The following SPECC1 variants were observed in gnomAD, a reference collection of about 807,000 sequenced individuals.
The protein encoded by SPECC1 is cytospin-B.
Under a neutral mutation model 104.1 loss-of-function variants are expected in SPECC1, and 62 were observed. The observed-to-expected ratio is 0.60, with a 90% CI of 0.49 to 0.74. The LOEUF (loss-of-function observed/expected upper bound fraction) is 0.74, where lower values mean the gene tolerates loss of function less well. SPECC1 is among the 30% of genes least tolerant of loss of function. The pLI, the probability that SPECC1 is intolerant of heterozygous loss-of-function variation, is 0.00. For synonymous variants in SPECC1, 513 were observed against 501.6 expected, an observed-to-expected ratio of 1.02 and a Z score of -0.30; for missense variants, 1,306 against 1,310.5, an observed-to-expected ratio of 1.00 and a Z score of 0.05.
chr17:20,082,155 C>T (rs2047000247), intron 1 of SPECC1, among the ~76,000 whole-genome samples: 1 of 152,188 alleles, frequency 6.6e-6, no homozygotes, highest in Non-Finnish European at 1.5e-5. Flanking sequence ...TCCTTGCCTG[C>T]TTTTGGGGGT....
chr17:20,087,942 AAGG>A (rs2047240253), intron 1 of SPECC1, among the ~76,000 whole-genome samples: 1 of 152,166 alleles, frequency 6.6e-6, no homozygotes, highest in Non-Finnish European at 1.5e-5. Flanking sequence ...ACCTAGGAGA[AAGG>A]AGCCCACTGT....
intron 12 of SPECC1, among the ~76,000 whole-genome samples, chr17:20,292,346 G>A (rs7224558): frequency 2.0e-4 from 30 of 151,788 alleles, no homozygotes; most frequent in South Asian, 1.9e-3. Flanking sequence ...TTTTTTTTGG[G>A]GGGGGGACGG....
intron 4 of SPECC1, among the ~76,000 whole-genome samples, chr17:20,207,669 A>G (rs1402282640): frequency 1.3e-5 from 2 of 152,204 alleles, no homozygotes; most frequent in Non-Finnish European, 2.9e-5. Flanking sequence ...GAAAAGTATT[A>G]CCTTTAATTT....
At chr17:20,299,088 T>A (rs937904300) in intron 13 of SPECC1, among the ~76,000 whole-genome samples, 20 of 151,772 alleles carry the variant, frequency 1.3e-4, no homozygotes, top group Admixed American at 2.0e-4. Flanking sequence ...GCCAGCAGGC[T>A]GGAGACTCAG....
rs1161039139 is a variant in SPECC1, at chr17:20,136,782, C to T, written c.283+26220C>T. On this transcript the variant is annotated intron_variant, in intron 3 of 14. Coordinates refer to ENST00000395527, the MANE Select transcript of SPECC1 (RefSeq NM_001243439.2). ...CCTATCATTCCATAAAGAACCTCCT[C>T]GTTCTGGTCCCCATCTCTCTGGCAC... Among the ~76,000 whole-genome samples, 9 of 152,200 alleles carry T rather than the reference C, an allele frequency of 5.9e-5. No individual in the cohort carries two copies. The East Asian group carries it at 1.2e-3, about 20-fold the overall frequency.
intron 1 of SPECC1, among the ~76,000 whole-genome samples, chr17:20,064,835 G>A (rs1567820846): frequency 6.6e-6 from 1 of 152,120 alleles, no homozygotes; most frequent in South Asian, 2.1e-4. Context: ...ACTCCTTGCC[G>A]GGTGTGGTAT....
chr17:20,204,210 A>T (rs1365737812), intron 3 of SPECC1, 123 bp from the exon 4 acceptor site: 1 of 1,196,728 alleles, frequency 8.4e-7, no homozygotes, highest in Non-Finnish European at 1.2e-6. Flanking sequence ...TAGCTAGAGG[A>T]GGAGGAAATG....
chr17:20,110,002 C>T (rs2048403732), intron 2 of SPECC1, among the ~76,000 whole-genome samples: 1 of 151,928 alleles, frequency 6.6e-6, no homozygotes. Flanking sequence ...CCATGCCCAG[C>T]TAATTAAAAA....
intron 1 of SPECC1, among the ~76,000 whole-genome samples, chr17:20,088,170 A>G (rs1680692141): frequency 6.6e-6 from 1 of 152,220 alleles, no homozygotes; most frequent in African/African-American, 2.4e-5. Context: ...CTCCCAATGC[A>G]GTGAGAAGCC....
chr17:20,214,793 C>T (rs1597997109), intron 4 of SPECC1, among the ~76,000 whole-genome samples: 1 of 152,180 alleles, frequency 6.6e-6, no homozygotes, highest in Non-Finnish European at 1.5e-5. Context: ...CAGGCGTGAG[C>T]CACTGCACCC....
intron 13 of SPECC1, among the ~76,000 whole-genome samples, chr17:20,301,872 GT>G (rs1328987853): frequency 6.6e-6 from 1 of 152,028 alleles, no homozygotes; most frequent in Non-Finnish European, 1.5e-5. Context: ...CACCTGGCTA[GT>G]TTTTATATTT....
intron 3 of SPECC1, chr17:20,112,449 T>G: frequency 5.2e-6 from 4 of 766,174 alleles, no homozygotes; most frequent in Non-Finnish European, 9.7e-6. Flanking sequence ...TGATTTTTGC[T>G]GGCAACTTCA....
At chr17:20,173,502 C>G (rs1271695669) in intron 3 of SPECC1, among the ~76,000 whole-genome samples, 1 of 152,142 alleles carries the variant, frequency 6.6e-6, no homozygotes, top group African/African-American at 2.4e-5. Flanking sequence ...ATTCAGTATA[C>G]CCCCAATGAC....
chr17:20,274,316 A>G (rs1013140799), intron 12 of SPECC1, among the ~76,000 whole-genome samples: 2 of 152,160 alleles, frequency 1.3e-5, no homozygotes, highest in African/African-American at 4.8e-5. Flanking sequence ...CAGAGAAATG[A>G]GAGCAGGACC....
intron 12 of SPECC1, among the ~76,000 whole-genome samples, chr17:20,296,506 T>A (rs2142026371): frequency 6.6e-6 from 1 of 152,336 alleles, no homozygotes. Flanking sequence ...CAATGCAGGC[T>A]CATTTTTGGT....
intron 12 of SPECC1, among the ~76,000 whole-genome samples, chr17:20,264,423 T>C (rs1165160803): frequency 1.3e-5 from 2 of 151,402 alleles, no homozygotes; most frequent in African/African-American, 2.4e-5. Flanking sequence ...CCAGTATCTA[T>C]TGTTGCCATC....
chr17:20,293,254 C>G (rs1229941377), intron 12 of SPECC1, among the ~76,000 whole-genome samples: 1 of 151,750 alleles, frequency 6.6e-6, no homozygotes, highest in Non-Finnish European at 1.5e-5. Flanking sequence ...AAGGAAACTT[C>G]ACAGGAAACA....
chr17:20,060,972 A>T (rs1410304018), intron 1 of SPECC1, among the ~76,000 whole-genome samples: 1 of 152,254 alleles, frequency 6.6e-6, no homozygotes, highest in East Asian at 1.9e-4. Flanking sequence ...ATACATTTCA[A>T]ACTTAATGAT....
chr17:20,282,978 A>G (rs535377232), intron 12 of SPECC1, among the ~76,000 whole-genome samples: 30 of 152,266 alleles, frequency 2.0e-4, no homozygotes, highest in African/African-American at 7.2e-4. Flanking sequence ...CGGGAGTTCA[A>G]GACCAGCCTG....
Sources: allele counts gnomAD v4.1 joint callset (sites outside exome capture counted in the v4.1 genomes callset), GRCh38; gene constraint gnomAD v4.1.1; transcripts MANE v1.5; gene names NCBI Gene and HGNC (gene_info 2026-07-23, HGNC 2026-07-21).